Variants in DENND2B observed in about 807,000 individuals in gnomAD.
DENND2B encodes DENN domain-containing protein 2B.
DENND2B carries 32 observed loss-of-function variants against 116.0 expected under a neutral mutation model. The observed-to-expected ratio is 0.28, with a 90% confidence interval of 0.21 to 0.37. The LOEUF is 0.37. DENND2B is among the 10% of genes least tolerant of loss of function. The probability of loss-of-function intolerance (pLI) is 1.00; values close to 1 mark genes in which losing one functional copy is unlikely to be tolerated. For synonymous variants in DENND2B, 588 were observed against 583.9 expected, an observed-to-expected ratio of 1.01 and a Z score of -0.10; for missense variants, 1,276 against 1,477.7, an observed-to-expected ratio of 0.86 and a Z score of 2.24.
intron 1 of DENND2B, among the ~76,000 whole-genome samples, chr11:8,895,289 C>T (rs952971199): frequency 8.5e-5 from 13 of 152,062 alleles, no homozygotes; most frequent in African/African-American, 2.2e-4. Context: ...GGAGATATAC[C>T]TAATGTAAAT....
In DENND2B at chr11:8,707,747, C is replaced by G; in HGVS notation, c.2430+30G>C. ...CCTGTGGGAGCTGTCAGCTGGGGGA[C>G]GGGGAGGGAAGCCTGCCAGAGCCTC... On this transcript the variant is annotated intron_variant, in intron 12 of 19. Coordinates refer to ENST00000313726, the MANE Select transcript of DENND2B (RefSeq NM_213618.2). The surrounding 1 kb of genome is among the most constrained non-coding windows in gnomAD (Gnocchi z 4.8). 1 of 1,583,908 alleles carries G rather than the reference C, an allele frequency of 6.3e-7. No individual in the cohort carries two copies. Among genetic ancestry groups the G allele is most frequent in the South Asian group, 1.1e-5 (1 of 86,998 alleles).
Position 8,712,513 on chromosome 11 carries a change from G to A in DENND2B, c.2172+38C>T, listed in dbSNP as rs553123735. On this transcript the variant is annotated intron_variant, in intron 9 of 19. Transcript: ENST00000313726. The surrounding 1 kb of genome is among the most constrained non-coding windows in gnomAD (Gnocchi z 4.4). ...GCCTGGCGGATAGAGGATGGAAGAG[G>A]GGGAATATGGGCAAGGTGGGGAGAG... 8 of 1,535,368 alleles carry A rather than the reference G, an allele frequency of 5.2e-6. No homozygotes were observed. In the African/African-American group the frequency reaches 8.3e-5, roughly 16 times the overall value.
chr11:8,774,412 T>A, intron 1 of DENND2B: 1 of 792,890 alleles, frequency 1.3e-6, no homozygotes, highest in Non-Finnish European at 1.5e-6. Flanking sequence ...TAGAATCTAG[T>A]GTCACTGCCA....
chr11:8,707,149 G>A lies in DENND2B; in HGVS notation c.2507C>T (p.Ser836Leu), dbSNP rs200772003. The stretch of plus-strand genomic sequence containing the variant: ...GGTCTTCCCTGGGGCTGGGAAGGGC[G>A]ACTCCATGAGACTTCTCATGAAAGG... ...VYPFMRSLME[S>L]PFPAPGKTIK... The change falls in exon 13 of 20, where the codon TCG (serine) becomes TTG (leucine). Residue 836 changes from serine (S) to leucine (L), a missense_variant. Physicochemically the swap from Ser to Leu is moderately radical, Grantham distance 145. This residue lies in a region of DENND2B where 420 missense variants were observed against 631.1 expected (regional missense o/e 0.67). Transcript: ENST00000313726. The surrounding 1 kb of genome is among the most constrained non-coding windows in gnomAD (Gnocchi z 4.8). The A allele has an allele frequency of 5.0e-5, 81 of 1,613,548 alleles. No individual in the cohort carries two copies. The East Asian group carries it at 1.5e-3, about 31-fold the overall frequency.
At chr11:8,908,229 G>T (rs927196296) in intron 1 of DENND2B, among the ~76,000 whole-genome samples, 12 of 152,088 alleles carry the variant, frequency 7.9e-5, no homozygotes, top group African/African-American at 2.9e-4. Flanking sequence ...TTTTTTTAAG[G>T]CTATGGCAAC....
intron 1 of DENND2B, among the ~76,000 whole-genome samples, chr11:8,888,990 G>C (rs1329835685): frequency 1.3e-5 from 2 of 152,144 alleles, no homozygotes; most frequent in Non-Finnish European, 2.9e-5. Flanking sequence ...GGAATATAAA[G>C]TGGTATAGTC....
At chr11:8,886,164 G>A (rs2063958552) in intron 1 of DENND2B, among the ~76,000 whole-genome samples, 1 of 152,004 alleles carries the variant, frequency 6.6e-6, no homozygotes, top group Non-Finnish European at 1.5e-5. Flanking sequence ...CAAACTCCTG[G>A]GGTCAAGCAA....
intron 16 of DENND2B, among the ~76,000 whole-genome samples, chr11:8,698,166 AGG>A (rs11381686): frequency 2.3e-5 from 3 of 129,448 alleles, no homozygotes; most frequent in Non-Finnish European, 4.8e-5. Context: ...AAAAAAAAAA[AGG>A]GGGTAGAGCC....
intron 2 of DENND2B, among the ~76,000 whole-genome samples, chr11:8,868,872 T>C (rs865941280): frequency 1.6e-4 from 24 of 152,212 alleles, no homozygotes; most frequent in African/African-American, 5.8e-4. Context: ...AGCTTTATAA[T>C]TCTTAGATTC....
At chr11:8,755,966 C>A (rs1301101037) in intron 1 of DENND2B, among the ~76,000 whole-genome samples, 1 of 152,170 alleles carries the variant, frequency 6.6e-6, no homozygotes, top group Non-Finnish European at 1.5e-5. Context: ...ATATGTACAA[C>A]AGAGAAGGGA....
intron 2 of DENND2B, among the ~76,000 whole-genome samples, chr11:8,736,365 A>AG (rs1221807303): frequency 7.3e-6 from 1 of 136,228 alleles, no homozygotes; most frequent in African/African-American, 2.5e-5. Flanking sequence ...TTGTCTCAAA[A>AG]GAAAAAAAAA....
chr11:8,850,828 T>C (rs531647299), intron 3 of DENND2B, among the ~76,000 whole-genome samples: 1 of 152,288 alleles, frequency 6.6e-6, no homozygotes, highest in Non-Finnish European at 1.5e-5. Context: ...ATACACACAA[T>C]GGAATACTAT....
At chr11:8,865,166 C>T (rs572072548) in intron 2 of DENND2B, among the ~76,000 whole-genome samples, 1 of 152,200 alleles carries the variant, frequency 6.6e-6, no homozygotes, top group East Asian at 1.9e-4. Context: ...CAAATGATTC[C>T]CAGACTTCTA....
At chr11:8,845,428 A>C in intron 3 of DENND2B, 1 of 152,210 alleles carries the variant, frequency 6.6e-6, no homozygotes, top group East Asian at 1.9e-4. Context: ...CTATAATCAA[A>C]AATTATTTTT....
chr11:8,752,510 G>C (rs2052720020), intron 1 of DENND2B, among the ~76,000 whole-genome samples: 1 of 151,246 alleles, frequency 6.6e-6, no homozygotes, highest in African/African-American at 2.4e-5. Flanking sequence ...TGGTGAAGAG[G>C]GTATCTTATT....
chr11:8,840,700 G>A (rs570129715), intron 3 of DENND2B, among the ~76,000 whole-genome samples: 1 of 152,194 alleles, frequency 6.6e-6, no homozygotes, highest in African/African-American at 2.4e-5. Flanking sequence ...TCCATATTGG[G>A]CAGGAAGGGT....
At chr11:8,827,463 G>A (rs1420463068) in intron 4 of DENND2B, among the ~76,000 whole-genome samples, 1 of 152,208 alleles carries the variant, frequency 6.6e-6, no homozygotes, top group African/African-American at 2.4e-5. Context: ...CTCCAATGCA[G>A]ACAGCCTCTG....
At chr11:8,738,770 T>C (rs906485175) in intron 2 of DENND2B, among the ~76,000 whole-genome samples, 3 of 152,214 alleles carry the variant, frequency 2.0e-5, no homozygotes, top group African/African-American at 4.8e-5. Flanking sequence ...TTCACTGGCA[T>C]TGTTGATGAG....
intron 2 of DENND2B, among the ~76,000 whole-genome samples, chr11:8,880,006 A>G: frequency 6.6e-6 from 1 of 152,210 alleles, no homozygotes; most frequent in South Asian, 2.1e-4. Context: ...TTTAGGTACC[A>G]ATAGAATGGT....
Sources: allele counts gnomAD v4.1 joint callset (sites outside exome capture counted in the v4.1 genomes callset), GRCh38; gene constraint gnomAD v4.1.1; regional missense constraint gnomAD v4.1.1; non-coding constraint Gnocchi (gnomAD v3.1); transcripts MANE v1.5; gene names NCBI Gene and HGNC (gene_info 2026-07-23, HGNC 2026-07-21).